Variants in TAFA4 observed in about 807,000 individuals in gnomAD.
TAFA4 encodes the protein chemokine-like protein TAFA-4.
Under a neutral mutation model 21.1 loss-of-function variants are expected in TAFA4, and 20 were observed. That is an observed-to-expected ratio of 0.95 (90% CI 0.67 to 1.38). The LOEUF is 1.38. Among genes scored for constraint, TAFA4 ranks in the 40% most tolerant of loss-of-function variants. The pLI, the probability that TAFA4 is intolerant of heterozygous loss-of-function variation, is 0.00. For synonymous variants in TAFA4, 71 were observed against 67.4 expected (o/e 1.05, Z -0.26); for missense variants, 211 against 180.9 (o/e 1.17, Z -0.95).
At chr3:68,849,369 G>C (rs1245559801) in intron 3 of TAFA4, among the ~76,000 whole-genome samples, 1 of 152,092 alleles carries the variant, frequency 6.6e-6, no homozygotes, top group East Asian at 1.9e-4. Flanking sequence ...TATCGCCCAG[G>C]CTTCATGAGA....
chr3:68,812,742 G>A (rs534302205), intron 3 of TAFA4, among the ~76,000 whole-genome samples: 5 of 152,038 alleles, frequency 3.3e-5, no homozygotes, highest in Admixed American at 6.6e-5. Flanking sequence ...TTTAACACCC[G>A]GCTGTCAACA....
intron 3 of TAFA4, among the ~76,000 whole-genome samples, chr3:68,776,434 A>T (rs1703051168): frequency 1.3e-5 from 2 of 152,352 alleles, no homozygotes; most frequent in South Asian, 4.1e-4. Flanking sequence ...GGAACATTTC[A>T]TTATAACAAA....
At chr3:68,767,574 G>GTGTT (rs1296139571) in intron 3 of TAFA4, among the ~76,000 whole-genome samples, 1 of 151,952 alleles carries the variant, frequency 6.6e-6, no homozygotes, top group Non-Finnish European at 1.5e-5. Flanking sequence ...TAGAAATATG[G>GTGTT]TGTTAATATA....
At chr3:68,830,336 T>C (rs532387973) in intron 3 of TAFA4, among the ~76,000 whole-genome samples, 16 of 152,328 alleles carry the variant, frequency 1.1e-4, no homozygotes, top group African/African-American at 3.8e-4. Context: ...GTGCTATAAA[T>C]TTCCCTCAAC....
chr3:68,870,730 C>G (rs926077223), intron 3 of TAFA4, among the ~76,000 whole-genome samples: 3 of 152,068 alleles, frequency 2.0e-5, no homozygotes, highest in Admixed American at 6.6e-5. Flanking sequence ...AATACTCTCC[C>G]TCCCCTTGCT....
intron 3 of TAFA4, among the ~76,000 whole-genome samples, chr3:68,760,874 T>A (rs981822370): frequency 2.0e-5 from 3 of 152,164 alleles, no homozygotes; most frequent in Non-Finnish European, 4.4e-5. Context: ...CTTGGTAGTT[T>A]AGTTGTGAAG....
At chr3:68,772,589 G>C (rs1702978504) in intron 3 of TAFA4, among the ~76,000 whole-genome samples, 2 of 152,164 alleles carry the variant, frequency 1.3e-5, no homozygotes, top group Non-Finnish European at 2.9e-5. Flanking sequence ...TTCAGCCTTG[G>C]ACTGAGAGTT....
intron 4 of TAFA4, among the ~76,000 whole-genome samples, chr3:68,743,344 G>C (rs1243394229): frequency 6.6e-6 from 1 of 152,128 alleles, no homozygotes; most frequent in Non-Finnish European, 1.5e-5. Context: ...GGAAGGCCTA[G>C]GTGGGCAGAT....
At chr3:68,885,116 C>A (rs2089657481) in intron 2 of TAFA4, 59 bp downstream of exon 2, 4 of 1,566,494 alleles carry the variant, frequency 2.6e-6, no homozygotes, top group Non-Finnish European at 3.5e-6. Context: ...CTCACTTTTG[C>A]TAAATTCTCA....
chr3:68,917,382 C>A (rs1430158458), intron 1 of TAFA4, among the ~76,000 whole-genome samples: 1 of 152,128 alleles, frequency 6.6e-6, no homozygotes. Flanking sequence ...TAAAATCTCA[C>A]AGGTGTTTCT....
In TAFA4 at chr3:68,839,978, A is replaced by G. The variant is rs139569773; in HGVS notation, c.130+40752T>C. On this transcript the variant is annotated intron_variant, in intron 3 of 5. Coordinates refer to ENST00000295569, the MANE Select transcript of TAFA4 (RefSeq NM_182522.5). ...TACACAGGCAGAAAGCTTTAGAGAG[A>G]AATGTGGCTGTCTTACGCCCTCCTC... 2.6e-3 allele frequency among the ~76,000 whole-genome samples: 394 copies of G among 152,242 alleles called. 7 individuals are homozygous for G. The highest frequency in any genetic ancestry group is 2.7e-3 in the East Asian group (14 of 5,184).
At chr3:68,736,564 G>A (rs957629453) in intron 5 of TAFA4, among the ~76,000 whole-genome samples, 1 of 152,054 alleles carries the variant, frequency 6.6e-6, no homozygotes, top group Non-Finnish European at 1.5e-5. Flanking sequence ...GTGTTTTGAT[G>A]CTGCTGTGCA....
intron 1 of TAFA4, among the ~76,000 whole-genome samples, chr3:68,889,277 G>C (rs1188828721): frequency 1.3e-5 from 2 of 152,152 alleles, no homozygotes. Flanking sequence ...CTACAAAAGA[G>C]CAGAAAGCCT....
intron 3 of TAFA4, among the ~76,000 whole-genome samples, chr3:68,810,032 T>C (rs1480737074): frequency 6.6e-6 from 1 of 152,196 alleles, no homozygotes; most frequent in Non-Finnish European, 1.5e-5. Flanking sequence ...GTTCTTTTTG[T>C]TCAAGATTGC....
intron 4 of TAFA4, among the ~76,000 whole-genome samples, chr3:68,750,869 G>A (rs1457705101): frequency 6.6e-6 from 1 of 152,158 alleles, no homozygotes; most frequent in African/African-American, 2.4e-5. Context: ...ATTCTCCACT[G>A]TACTAAAAGT....
chr3:68,754,432 C>T (rs966131147), intron 3 of TAFA4, among the ~76,000 whole-genome samples: 1 of 152,122 alleles, frequency 6.6e-6, no homozygotes, highest in East Asian at 1.9e-4. Context: ...TGCAGAATGT[C>T]CCTCAGCTTG....
At chr3:68,878,237 G>C (rs1486663247) in intron 3 of TAFA4, among the ~76,000 whole-genome samples, 1 of 152,176 alleles carries the variant, frequency 6.6e-6, no homozygotes, top group Non-Finnish European at 1.5e-5. Flanking sequence ...CTATTAAAGT[G>C]AACGTATAAA....
intron 3 of TAFA4, among the ~76,000 whole-genome samples, chr3:68,805,661 T>C (rs183902961): frequency 1.4e-3 from 213 of 152,244 alleles, no homozygotes; most frequent in African/African-American, 4.6e-3. Flanking sequence ...TATAGGGACA[T>C]GGATGAAACT....
chr3:68,760,476 C>T (rs1002406659), intron 3 of TAFA4, among the ~76,000 whole-genome samples: 9 of 152,166 alleles, frequency 5.9e-5, no homozygotes, highest in Non-Finnish European at 1.3e-4. Flanking sequence ...ATTTCCCTTG[C>T]ATCCTTCTCC....
Sources: allele counts gnomAD v4.1 joint callset (sites outside exome capture counted in the v4.1 genomes callset), GRCh38; gene constraint gnomAD v4.1.1; transcripts MANE v1.5; gene names NCBI Gene and HGNC (gene_info 2026-07-23, HGNC 2026-07-21).